The following CHRM5 variants were observed in gnomAD, a reference collection of about 807,000 sequenced individuals.
The protein encoded by CHRM5 is cholinergic receptor muscarinic 5, also known as muscarinic acetylcholine receptor M5.
Under a neutral mutation model 39.0 loss-of-function variants are expected in CHRM5, and 18 were observed. That is an observed-to-expected ratio of 0.46 (90% CI 0.32 to 0.68). The LOEUF (loss-of-function observed/expected upper bound fraction) is 0.68, where lower values mean the gene tolerates loss of function less well. CHRM5 is among the 30% of genes least tolerant of loss of function. The pLI, the probability that CHRM5 is intolerant of heterozygous loss-of-function variation, is 0.04. For missense variants in CHRM5, 515 were observed against 651.1 expected (o/e 0.79, Z 2.28); for synonymous variants, 241 against 246.3 (o/e 0.98, Z 0.20).
chr15:33,986,330 C>T (rs1400308834), intron 1 of CHRM5, among the ~76,000 whole-genome samples: 2 of 151,906 alleles, frequency 1.3e-5, no homozygotes, highest in Non-Finnish European at 2.9e-5. Context: ...AGGATGGTCT[C>T]GATCTCCTGA....
At chr15:33,984,566 C>T (rs1179222875) in intron 1 of CHRM5, among the ~76,000 whole-genome samples, 1 of 152,066 alleles carries the variant, frequency 6.6e-6, no homozygotes, top group Non-Finnish European at 1.5e-5. Context: ...TCACACCCGG[C>T]TAATTTTGTA....
chr15:34,035,236 T>C (rs1899061050), intron 1 of CHRM5, among the ~76,000 whole-genome samples: 1 of 152,246 alleles, frequency 6.6e-6, no homozygotes, highest in South Asian at 2.1e-4. Flanking sequence ...TCTCATCTTT[T>C]ATTGAATATA....
At chr15:34,004,760 C>A (rs184487792) in intron 1 of CHRM5, among the ~76,000 whole-genome samples, 39 of 152,110 alleles carry the variant, frequency 2.6e-4, no homozygotes, top group African/African-American at 8.4e-4. Context: ...ATGATGGGTA[C>A]ATGGAAAATC....
At chr15:34,022,549 G>A (rs1898248298) in intron 1 of CHRM5, among the ~76,000 whole-genome samples, 1 of 152,196 alleles carries the variant, frequency 6.6e-6, no homozygotes, top group African/African-American at 2.4e-5. Context: ...TACGCAGCAG[G>A]AAGGGTACAC....
At chr15:34,028,785 G>C (rs74007663) in intron 1 of CHRM5, among the ~76,000 whole-genome samples, 12 of 151,916 alleles carry the variant, frequency 7.9e-5, no homozygotes, top group Admixed American at 7.2e-4. Context: ...TAGCACATGG[G>C]GGGTGAGAAG....
rs149247953 is a variant in CHRM5 at position 34,044,073 on chromosome 15, T to TA, written c.-407-2466dup. ...TTCACATTAGCATACAAGCATGCTG[T>TA]ATTTTCGCCCTTTAAAAAAAATGAA... On this transcript the variant is annotated intron_variant, in intron 1 of 2. Transcript: ENST00000383263. Among the ~76,000 whole-genome samples, 447 of 151,782 alleles carry TA rather than the reference T, an allele frequency of 2.9e-3. 1 individual carries two copies. The highest frequency in any genetic ancestry group is 0.01 in the African/African-American group (428 of 41,298).
chr15:33,970,548 A>G (rs1303607363), intron 1 of CHRM5, among the ~76,000 whole-genome samples: 1 of 151,984 alleles, frequency 6.6e-6, no homozygotes, highest in Non-Finnish European at 1.5e-5. Context: ...TGAACCCTTA[A>G]GGGTTCTTTT....
At chr15:33,982,879 G>C (rs1896216052) in intron 1 of CHRM5, among the ~76,000 whole-genome samples, 1 of 151,946 alleles carries the variant, frequency 6.6e-6, no homozygotes, top group South Asian at 2.1e-4. Flanking sequence ...CCCAACTTCT[G>C]AGGGAGATCA....
intron 1 of CHRM5, among the ~76,000 whole-genome samples, chr15:34,018,855 T>C (rs1898075203): frequency 8.9e-6 from 1 of 112,050 alleles, no homozygotes; most frequent in Non-Finnish European, 2.0e-5. Flanking sequence ...TTTTACAGAG[T>C]GCTGATCAGT....
At chr15:33,994,571 G>T (rs1386267173) in intron 1 of CHRM5, among the ~76,000 whole-genome samples, 1 of 152,134 alleles carries the variant, frequency 6.6e-6, no homozygotes, top group East Asian at 1.9e-4. Context: ...AAAAGGTTGG[G>T]GACCTCTGCT....
At chr15:34,034,449 A>ATT (rs1309193683) in intron 1 of CHRM5, among the ~76,000 whole-genome samples, 2 of 150,834 alleles carry the variant, frequency 1.3e-5, no homozygotes, top group African/African-American at 4.9e-5. Context: ...TCTTTTTTAA[A>ATT]AAAAAAAAAA....
At chr15:34,025,148 C>A (rs1434371533) in intron 1 of CHRM5, among the ~76,000 whole-genome samples, 1 of 151,754 alleles carries the variant, frequency 6.6e-6, no homozygotes, top group Admixed American at 6.6e-5. Context: ...CCACCCTGGG[C>A]GATGGAGTGA....
chr15:34,064,333 C>T lies in CHRM5; in HGVS notation c.*17C>T. The T allele has an allele frequency of 6.3e-7, 1 of 1,597,124 alleles. No individual in the cohort carries two copies. Among genetic ancestry groups the T allele is most frequent in the Non-Finnish European group, 8.5e-7 (1 of 1,172,448 alleles). On this transcript the variant is annotated 3_prime_UTR_variant, in exon 3 of 3. Coordinates refer to ENST00000383263, the MANE Select transcript of CHRM5 (RefSeq NM_012125.4). ...CTACCCTGAAAAGTCAACAACTCCT[C>T]TCGAAAGAACAATGACCACAGTCAA...
At position 33,992,409 on chromosome 15, in the gene CHRM5, A is replaced by T. The variant is rs544991312; in HGVS notation, c.-408+23259A>T. ...CGTCTCAAAAAAAAAGAAAAAAGAA[A>T]ATCAAATTAGGCCCAATATTCAATA... On this transcript the variant is annotated intron_variant, in intron 1 of 2. Transcript: ENST00000383263. 3.9e-5 allele frequency among the ~76,000 whole-genome samples: 6 copies of T among 152,288 alleles called. No homozygotes were observed. The South Asian group carries it at 1.0e-3, about 26-fold the overall frequency.
chr15:34,018,836 T>C (rs1417256898), intron 1 of CHRM5, among the ~76,000 whole-genome samples: 2 of 143,118 alleles, frequency 1.4e-5, no homozygotes, highest in Admixed American at 7.4e-5. Context: ...AGACCACTGA[T>C]TGGTGCATTT....
chr15:34,014,789 A>T (rs1028583188), intron 1 of CHRM5, among the ~76,000 whole-genome samples: 9 of 152,184 alleles, frequency 5.9e-5, no homozygotes, highest in African/African-American at 2.2e-4. Flanking sequence ...AGGCTGAAGG[A>T]GCTGAGAATG....
intron 2 of CHRM5, among the ~76,000 whole-genome samples, chr15:34,056,032 T>C (rs1475479718): frequency 6.6e-6 from 1 of 152,160 alleles, no homozygotes; most frequent in Admixed American, 6.5e-5. Context: ...CAGGTATTGT[T>C]ATACGTGTTT....
intron 1 of CHRM5, among the ~76,000 whole-genome samples, chr15:33,971,258 G>A (rs1895626926): frequency 6.6e-6 from 1 of 151,930 alleles, no homozygotes; most frequent in South Asian, 2.1e-4. Flanking sequence ...ACTTGTTTCT[G>A]CAATTTAGAA....
intron 1 of CHRM5, among the ~76,000 whole-genome samples, chr15:34,003,652 T>G (rs1419737242): frequency 1.3e-5 from 2 of 152,214 alleles, no homozygotes; most frequent in African/African-American, 2.4e-5. Flanking sequence ...AATGAAAGTA[T>G]GACATTATTT....
Sources: gnomAD v4.1 joint callset for allele counts (sites outside exome capture counted in the v4.1 genomes callset) on GRCh38, gnomAD v4.1.1 for gene constraint, MANE v1.5 for transcripts, NCBI Gene and HGNC (gene_info 2026-07-23, HGNC 2026-07-21) for gene names.